APBB2: variants seen among roughly 807,000 people sequenced by gnomAD.
The protein encoded by APBB2 is amyloid beta precursor protein binding family B member 2, also known as Fe65-like 1.
In APBB2, 38 loss-of-function variants were observed where a neutral mutation model predicts 82.5. The ratio of observed to expected loss-of-function variants is 0.46; its 90% CI spans 0.36 to 0.60. The LOEUF is 0.60. APBB2 is among the 20% of genes least tolerant of loss of function. The pLI, the probability that APBB2 is intolerant of heterozygous loss-of-function variation, is 0.00. For synonymous variants in APBB2, 341 were observed against 368.2 expected (o/e 0.93, Z 0.85); for missense variants, 772 against 972.3 (o/e 0.79, Z 2.74).
chr4:40,912,401 A>G (rs1317000624), intron 10 of APBB2, among the ~76,000 whole-genome samples: 1 of 152,206 alleles, frequency 6.6e-6, no homozygotes, highest in East Asian at 1.9e-4. Context: ...ACATGGTGTA[A>G]CTCCGTCTCT....
At chr4:40,833,153 C>T (rs953434618) in intron 12 of APBB2, among the ~76,000 whole-genome samples, 5 of 152,240 alleles carry the variant, frequency 3.3e-5, no homozygotes, top group African/African-American at 9.6e-5. Flanking sequence ...TTCAGAAATA[C>T]ACCACGTCTC....
intron 10 of APBB2, among the ~76,000 whole-genome samples, chr4:40,931,812 T>C (rs527630127): frequency 2.0e-5 from 3 of 151,706 alleles, no homozygotes; most frequent in African/African-American, 7.3e-5. Flanking sequence ...TTTTTTTTTT[T>C]AAAGTGTTTG....
At chr4:40,981,635 G>T (rs1328204181) in intron 6 of APBB2, among the ~76,000 whole-genome samples, 1 of 152,090 alleles carries the variant, frequency 6.6e-6, no homozygotes, top group Non-Finnish European at 1.5e-5. Flanking sequence ...TGTATGCATG[G>T]TCTCTGCTAC....
In APBB2 at chr4:40,880,113, C is replaced by G. The variant is rs916183367; in HGVS notation, c.1529+10251G>C. 3 of 985,330 alleles carry G rather than the reference C, an allele frequency of 3.0e-6. No homozygotes were observed. The Admixed American group carries it at 1.8e-4, about 61-fold the overall frequency. 61.0% of individuals were successfully genotyped at this position (985,330 alleles called of 1,614,324 possible). A position where few individuals can be genotyped will look rare whatever the true frequency, so the allele number is the denominator to read the frequency against. Reference sequence around the variant, plus strand: ...ATATTTCAGCTACGTCAGTGATGATCTCCAGTGCGGATGGAGACAGTGGCA... The same window carrying G: ...ATATTTCAGCTACGTCAGTGATGATGTCCAGTGCGGATGGAGACAGTGGCA... On this transcript the variant is annotated intron_variant, in intron 12 of 17. Transcript: ENST00000508593.
chr4:41,191,201 C>G (rs759134207), intron 1 of APBB2, among the ~76,000 whole-genome samples: 3 of 152,166 alleles, frequency 2.0e-5, no homozygotes, highest in Non-Finnish European at 4.4e-5. Context: ...GGGTGGACAA[C>G]TTCTACCACA....
At chr4:41,012,832 A>G (rs79193623) in intron 6 of APBB2, among the ~76,000 whole-genome samples, 1 of 152,308 alleles carries the variant, frequency 6.6e-6, no homozygotes, top group Non-Finnish European at 1.5e-5. Context: ...CAATCTTAGA[A>G]TCAGTATAGT....
chr4:40,925,983 TA>T (rs1387418979), intron 10 of APBB2, among the ~76,000 whole-genome samples: 86 of 152,256 alleles, frequency 5.6e-4, no homozygotes, highest in African/African-American at 1.9e-3. Context: ...CCATCTGAGG[TA>T]AGTTATAACA....
chr4:40,930,470 CGCGT>C (rs1560309787), intron 10 of APBB2, among the ~76,000 whole-genome samples: 48 of 140,274 alleles, frequency 3.4e-4, no homozygotes, highest in Admixed American at 8.8e-4. Context: ...CGCGCGCGTG[CGCGT>C]GCGCGTATGC....
At chr4:40,829,677 G>A (rs1406136795) in intron 13 of APBB2, among the ~76,000 whole-genome samples, 1 of 152,124 alleles carries the variant, frequency 6.6e-6, no homozygotes, top group East Asian at 1.9e-4. Flanking sequence ...GGGAGTCCAT[G>A]GGTGTGTAGG....
chr4:40,887,008 C>G (rs1770503649), intron 12 of APBB2, among the ~76,000 whole-genome samples: 1 of 152,230 alleles, frequency 6.6e-6, no homozygotes, highest in Admixed American at 6.5e-5. Context: ...GTAATAAAGA[C>G]AGACATGGCT....
rs200056833 is a variant in APBB2, at chr4:40,944,954, C to G, written c.955G>C (p.Glu319Gln). ...WHIPTGTTQW[E>Q]RPVSIPADLQ... ...TCTGCTGGGATGGAGACGGGCCGTT[C>G]CCACTGAGTCGTTCCTGTTGGGATG... The change falls in exon 7 of 18, where the codon GAA becomes CAA. Residue 319 changes from glutamate to glutamine, a missense_variant. Physicochemically the swap from Glu to Gln is conservative, Grantham distance 29. Coordinates refer to ENST00000508593, the MANE Select transcript of APBB2 (RefSeq NM_004307.2). The G allele has an allele frequency of 3.9e-5, 63 of 1,613,866 alleles. No homozygotes were observed. The Middle Eastern group carries it at 1.5e-3, about 38-fold the overall frequency.
chr4:40,879,479 G>A (rs1258337112), intron 12 of APBB2, among the ~76,000 whole-genome samples: 1 of 152,018 alleles, frequency 6.6e-6, no homozygotes, highest in Non-Finnish European at 1.5e-5. Flanking sequence ...AGCCATTTTG[G>A]GGGGCTCTGA....
chr4:41,117,303 T>A (rs1183286242), intron 2 of APBB2, among the ~76,000 whole-genome samples: 1 of 149,256 alleles, frequency 6.7e-6, no homozygotes, highest in Non-Finnish European at 1.5e-5. Context: ...TTATTTTTTT[T>A]TTTTTTTGAG....
chr4:41,006,083 T>A (rs961736218), intron 6 of APBB2, among the ~76,000 whole-genome samples: 1 of 152,262 alleles, frequency 6.6e-6, no homozygotes, highest in East Asian at 1.9e-4. Flanking sequence ...TACCTTATGA[T>A]GGAAGGCAAC....
intron 2 of APBB2, among the ~76,000 whole-genome samples, chr4:41,140,466 T>G (rs1758796316): frequency 6.6e-6 from 1 of 152,212 alleles, no homozygotes; most frequent in South Asian, 2.1e-4. Context: ...TCCCTGCTAG[T>G]CTACCACCCA....
intron 6 of APBB2, among the ~76,000 whole-genome samples, chr4:40,977,037 T>A (rs540957340): frequency 1.3e-5 from 2 of 149,634 alleles, no homozygotes; most frequent in Admixed American, 6.6e-5. Flanking sequence ...GACAGAGACT[T>A]TGTCTCAAAA....
chr4:40,930,112 G>A (rs1442243359), intron 10 of APBB2, among the ~76,000 whole-genome samples: 1 of 152,122 alleles, frequency 6.6e-6, no homozygotes, highest in African/African-American at 2.4e-5. Context: ...GAAAAAATGA[G>A]AAAATGTGAA....
intron 1 of APBB2, among the ~76,000 whole-genome samples, chr4:41,160,323 C>T (rs193225976): frequency 5.9e-5 from 9 of 152,310 alleles, no homozygotes; most frequent in Admixed American, 3.9e-4. Context: ...TGCACATTCC[C>T]ATTTCACTCC....
intron 6 of APBB2, among the ~76,000 whole-genome samples, chr4:41,002,759 T>C (rs1805580733): frequency 6.6e-6 from 1 of 152,234 alleles, no homozygotes; most frequent in African/African-American, 2.4e-5. Context: ...TGTAACACTG[T>C]CCATGGAACA....
Sources: allele counts gnomAD v4.1 joint callset (sites outside exome capture counted in the v4.1 genomes callset), GRCh38; gene constraint gnomAD v4.1.1; transcripts MANE v1.5; gene names NCBI Gene and HGNC (gene_info 2026-07-23, HGNC 2026-07-21).